The following PRUNE2 variants were observed in gnomAD, a reference collection of about 807,000 sequenced individuals.
The protein encoded by PRUNE2 is prune homolog 2 with BCH domain.
In PRUNE2, 164 loss-of-function variants were observed where a neutral mutation model predicts 252.0. The observed-to-expected ratio is 0.65, with a 90% CI of 0.57 to 0.74. PRUNE2 has a LOEUF of 0.74. PRUNE2 is among the 30% of genes least tolerant of loss of function. The pLI is 0.00. For missense variants in PRUNE2, 3,495 were observed against 3,711.0 expected, an observed-to-expected ratio of 0.94 and a Z score of 1.51; for synonymous variants, 1,292 against 1,350.2, an observed-to-expected ratio of 0.96 and a Z score of 0.94.
At chr9:76,733,959 A>T (rs2048859984) in intron 6 of PRUNE2, among the ~76,000 whole-genome samples, 4 of 151,270 alleles carry the variant, frequency 2.6e-5, no homozygotes, top group Admixed American at 2.6e-4. Context: ...GGATAACGTT[A>T]ATGATTTCAG....
chr9:76,772,358 A>T (rs957222048), intron 6 of PRUNE2, among the ~76,000 whole-genome samples: 1 of 152,088 alleles, frequency 6.6e-6, no homozygotes, highest in African/African-American at 2.4e-5. Flanking sequence ...TTAAATGGCA[A>T]TAGTCATTTT....
chr9:76,697,992 A>G (rs972894038), intron 9 of PRUNE2, among the ~76,000 whole-genome samples: 10 of 152,110 alleles, frequency 6.6e-5, no homozygotes, highest in African/African-American at 2.4e-4. Flanking sequence ...AGAAAGCAAG[A>G]GAGAAGAAGG....
rs139801181 is a variant in PRUNE2 at position 76,807,051 on chromosome 9, T to TGCGCGC, written c.756+16575_756+16580dup. Among the ~76,000 whole-genome samples the TGCGCGC allele has an allele frequency of 5.3e-3, 741 of 139,418 alleles. 10 individuals carry two copies. The highest frequency in any genetic ancestry group is 0.028 in the South Asian group (126 of 4,424). 91.5% of individuals were successfully genotyped at this position (139,418 alleles called of 152,430 possible). A position where few individuals can be genotyped will look rare whatever the true frequency, so the allele number is the denominator to read the frequency against. On this transcript the variant is annotated intron_variant, in intron 6 of 18. Coordinates refer to ENST00000376718, the MANE Select transcript of PRUNE2 (RefSeq NM_015225.3). ...GTGTGTGTGTGTGTGTGTGTGTGTG[T>TGCGCGC]GCGCGCGCGCGTGTGTCTGTCTCTC...
At position 76,794,344 on chromosome 9, in the gene PRUNE2, C is replaced by T. The variant is rs552947825; in HGVS notation, c.756+29288G>A. On this transcript the variant is annotated intron_variant, in intron 6 of 18. Coordinates refer to ENST00000376718, the MANE Select transcript of PRUNE2 (RefSeq NM_015225.3). ...AAAGAGCGCGGCCTCCGAGCGAGCG[C>T]GGTCGCTCACGCCTCTAATCCCAGC... 3.9e-5 allele frequency among the ~76,000 whole-genome samples: 6 copies of T among 152,254 alleles called. 1 individual carries two copies. The highest frequency in any genetic ancestry group is 4.1e-4 in the South Asian group (2 of 4,824).
At chr9:76,619,319 T>G (rs1831093561) in intron 18 of PRUNE2, 21 bp downstream of exon 18, 2 of 1,540,724 alleles carry the variant, frequency 1.3e-6, no homozygotes, top group South Asian at 1.1e-5. Context: ...CACATAGCTG[T>G]TATTGATGGT....
intron 5 of PRUNE2, among the ~76,000 whole-genome samples, chr9:76,825,646 G>A (rs747911474): frequency 8.5e-5 from 13 of 152,304 alleles, no homozygotes; most frequent in East Asian, 3.9e-4. Flanking sequence ...TTTGATGTTG[G>A]GAAAGCAATG....
chr9:76,849,373 G>A (rs949606466), intron 3 of PRUNE2, among the ~76,000 whole-genome samples: 18 of 152,104 alleles, frequency 1.2e-4, no homozygotes, highest in African/African-American at 3.9e-4. Context: ...GACCTTCATA[G>A]CCCATCTCTA....
chr9:76,785,147 T>G (rs1433956646), intron 6 of PRUNE2: 1 of 152,232 alleles, frequency 6.6e-6, no homozygotes, highest in Non-Finnish European at 1.5e-5. Context: ...CCCATGCACC[T>G]AAACAAAATC....
chr9:76,661,561 C>T (rs928892990), intron 9 of PRUNE2, among the ~76,000 whole-genome samples: 1 of 152,088 alleles, frequency 6.6e-6, no homozygotes, highest in African/African-American at 2.4e-5. Context: ...AGTATTAATG[C>T]CCAGCAAAAC....
At chr9:76,735,786 G>A (rs1326701991) in intron 6 of PRUNE2, among the ~76,000 whole-genome samples, 2 of 152,124 alleles carry the variant, frequency 1.3e-5, no homozygotes, top group Admixed American at 1.3e-4. Context: ...TCTTTAGCTG[G>A]TAGTAAGATA....
At chr9:76,671,273 C>A (rs1405233506) in intron 9 of PRUNE2, among the ~76,000 whole-genome samples, 1 of 145,532 alleles carries the variant, frequency 6.9e-6, no homozygotes, top group Non-Finnish European at 1.5e-5. Flanking sequence ...CCTCAGGAGC[C>A]GATGCGATCA....
rs559095872 is a variant in PRUNE2 at position 76,614,428 on chromosome 9, T to C, written c.*142A>G. On this transcript the variant is annotated 3_prime_UTR_variant, in exon 19 of 19. Transcript: ENST00000376718. Reference sequence around the variant, plus strand: ...AAATATCTTAAGAGTAAACAAACTTTCTATTTTTCCCCTTAGAAATTTAGA... The same window carrying C: ...AAATATCTTAAGAGTAAACAAACTTCCTATTTTTCCCCTTAGAAATTTAGA... The C allele has an allele frequency of 8.3e-5, 59 of 711,180 alleles. 2 individuals are homozygous for C. The South Asian group carries it at 9.8e-4, about 12-fold the overall frequency. The allele number at this position is 711,180 out of a possible 1,614,324, so 44.1% of individuals were successfully genotyped here.
chr9:76,871,063 G>C (rs1369756525), intron 1 of PRUNE2, among the ~76,000 whole-genome samples: 4 of 152,186 alleles, frequency 2.6e-5, no homozygotes, highest in African/African-American at 7.2e-5. Flanking sequence ...CTATGTGACA[G>C]ATAAATTTGG....
intron 6 of PRUNE2, among the ~76,000 whole-genome samples, chr9:76,761,980 G>A (rs193104597): frequency 6.6e-5 from 10 of 152,280 alleles, no homozygotes; most frequent in African/African-American, 9.6e-5. Flanking sequence ...AACTGGGTCC[G>A]TCATATTTAA....
intron 1 of PRUNE2, among the ~76,000 whole-genome samples, chr9:76,885,061 C>T (rs1000044227): frequency 6.6e-6 from 1 of 152,222 alleles, no homozygotes; most frequent in African/African-American, 2.4e-5. Context: ...ACACCTTTCA[C>T]CATAGAGGTT....
intron 6 of PRUNE2, among the ~76,000 whole-genome samples, chr9:76,803,941 C>T (rs1266304282): frequency 1.3e-5 from 2 of 152,158 alleles, no homozygotes; most frequent in Non-Finnish European, 2.9e-5. Flanking sequence ...AACTGGAATG[C>T]ATTTCTATTC....
intron 9 of PRUNE2, among the ~76,000 whole-genome samples, chr9:76,658,467 G>A (rs564199217): frequency 1.5e-4 from 23 of 152,310 alleles, no homozygotes; most frequent in South Asian, 2.1e-4. Context: ...CCCAAGTCAC[G>A]CTCTTTGTAA....
intron 6 of PRUNE2, among the ~76,000 whole-genome samples, chr9:76,745,270 C>T (rs947304692): frequency 3.9e-5 from 6 of 152,054 alleles, no homozygotes; most frequent in Non-Finnish European, 5.9e-5. Context: ...ATTCAGCTGC[C>T]GTTGTAAAGC....
intron 6 of PRUNE2, among the ~76,000 whole-genome samples, chr9:76,768,579 A>ATGTGTG (rs1491333441): frequency 9.9e-6 from 1 of 100,510 alleles, no homozygotes; most frequent in African/African-American, 3.2e-5. Flanking sequence ...ATATATGTAT[A>ATGTGTG]TGTATGTGTG....
Sources: gnomAD v4.1 joint callset for allele counts (sites outside exome capture counted in the v4.1 genomes callset) on GRCh38, gnomAD v4.1.1 for gene constraint, MANE v1.5 for transcripts, NCBI Gene and HGNC (gene_info 2026-07-23, HGNC 2026-07-21) for gene names.